The following CARS2 variants were observed in gnomAD, a reference collection of about 807,000 sequenced individuals.
CARS2 encodes the protein probable cysteine--tRNA ligase, mitochondrial.
In CARS2, 52 loss-of-function variants were observed where a neutral mutation model predicts 68.8. That is an observed-to-expected ratio of 0.76 (90% CI 0.61 to 0.95). The LOEUF is 0.95. CARS2 is among the 40% of genes least tolerant of loss of function. CARS2 has a pLI of 0.00. For synonymous variants in CARS2, 314 were observed against 303.6 expected, an observed-to-expected ratio of 1.03 and a Z score of -0.36; for missense variants, 780 against 754.2, an observed-to-expected ratio of 1.03 and a Z score of -0.40.
chr13:110,674,114 T>G (rs2062876982), intron 7 of CARS2, among the ~76,000 whole-genome samples: 1 of 152,114 alleles, frequency 6.6e-6, no homozygotes, highest in Non-Finnish European at 1.5e-5. Context: ...AGAATCAATA[T>G]CGTGAAAATG....
chr13:110,647,303 C>G (rs1321981596), intron 10 of CARS2, 64 bp from the exon 11 acceptor site: 1 of 1,564,916 alleles, frequency 6.4e-7, no homozygotes, highest in African/African-American at 1.4e-5. Flanking sequence ...CCTGGTCCAG[C>G]AGAATCAGTG....
chr13:110,645,777 G>T, intron 12 of CARS2, 190 bp downstream of exon 12: 2 of 667,866 alleles, frequency 3.0e-6, no homozygotes, highest in East Asian at 3.2e-5. Context: ...AGGCCCGGGA[G>T]GGTCAAGCCC....
intron 8 of CARS2, chr13:110,664,858 G>T: frequency 2.4e-6 from 1 of 418,752 alleles, no homozygotes; most frequent in Non-Finnish European, 3.2e-6. Flanking sequence ...CAAATGGGAA[G>T]CAGGCCCTCC....
chr13:110,711,666 C>CCTG (rs1333054239), intron 1 of CARS2, among the ~76,000 whole-genome samples: 1 of 152,238 alleles, frequency 6.6e-6, no homozygotes, highest in Non-Finnish European at 1.5e-5. Flanking sequence ...CCAAAGCTCT[C>CCTG]CTGCTGTGTA....
At chr13:110,709,780 A>G (rs1594444531), upstream of CARS2, among the ~76,000 whole-genome samples, 1 of 152,248 alleles carries the variant, frequency 6.6e-6, no homozygotes, top group South Asian at 2.1e-4. Context: ...GTCCCTCTAG[A>G]GAACCCTGAC....
At chr13:110,651,317 A>G in intron 9 of CARS2, 1 of 529,728 alleles carries the variant, frequency 1.9e-6, no homozygotes, top group Non-Finnish European at 3.3e-6. Context: ...TTGTGGAAAG[A>G]GCAAGAAGAG....
intron 2 of CARS2, among the ~76,000 whole-genome samples, chr13:110,703,425 G>A (rs2139937116): frequency 6.6e-6 from 1 of 152,348 alleles, no homozygotes; most frequent in Non-Finnish European, 1.5e-5. Context: ...GTGGTCAACA[G>A]GAGAGTCCCA....
At chr13:110,662,253 C>G (rs1331876767) in intron 9 of CARS2, among the ~76,000 whole-genome samples, 1 of 150,664 alleles carries the variant, frequency 6.6e-6, no homozygotes, top group Non-Finnish European at 1.5e-5. Context: ...GGACCTCTCT[C>G]TGCGTCATGC....
chr13:110,704,013 T>C (rs545535442), intron 2 of CARS2, among the ~76,000 whole-genome samples: 1 of 152,366 alleles, frequency 6.6e-6, no homozygotes, highest in Non-Finnish European at 1.5e-5. Flanking sequence ...CCTTCTACCA[T>C]GTGAGGACAC....
At chr13:110,695,380 G>C (rs1041226955) in intron 3 of CARS2, among the ~76,000 whole-genome samples, 2 of 152,126 alleles carry the variant, frequency 1.3e-5, no homozygotes, top group Non-Finnish European at 2.9e-5. Context: ...AAGTAATCTA[G>C]ATATGATTTA....
rs1594284213 is a variant in CARS2 at position 110,663,595 on chromosome 13, G to C, written c.920-77C>G. Reference sequence around the variant, plus strand: ...GCCTCAGGGACACATGGCTCCCCAGGAAACGAATGGGAACCTGCACATATC... The same window carrying C: ...GCCTCAGGGACACATGGCTCCCCAGCAAACGAATGGGAACCTGCACATATC... On this transcript the variant is annotated intron_variant, in intron 8 of 14. Coordinates refer to ENST00000257347, the MANE Select transcript of CARS2 (RefSeq NM_024537.4). 2.4e-5 allele frequency: 38 copies of C among 1,573,552 alleles called. No individual in the cohort carries two copies. In the East Asian group the frequency reaches 8.5e-4, roughly 35 times the overall value.
At chr13:110,679,569 GAGAGAGAA>G (rs1413209496) in intron 6 of CARS2, among the ~76,000 whole-genome samples, 45 of 98,400 alleles carry the variant, frequency 4.6e-4, no homozygotes, top group African/African-American at 1.3e-3. Context: ...AAGAAAGAAA[GAGAGAGAA>G]AGAAAGAAAG....
intron 3 of CARS2, chr13:110,688,950 GAAATATTTTGA>G (rs1348491165): frequency 3.2e-5 from 5 of 154,410 alleles, no homozygotes; most frequent in African/African-American, 1.2e-4. Flanking sequence ...AACTTCTAAA[GAAATATTTTGA>G]AAGTAATTTA....
chr13:110,671,999 C>A (rs1006361074), intron 7 of CARS2, among the ~76,000 whole-genome samples: 5 of 152,154 alleles, frequency 3.3e-5, no homozygotes, highest in Non-Finnish European at 5.9e-5. Flanking sequence ...GGGATCAATT[C>A]AACAAGAAGA....
At position 110,705,468 on chromosome 13, in the gene CARS2, T is replaced by G; in HGVS notation, c.275+53A>C. On this transcript the variant is annotated intron_variant, in intron 2 of 14. Transcript: ENST00000257347. This position sits in a 1 kb window ranked among gnomAD's most constrained non-coding sequence, Gnocchi z 4.0. The stretch of plus-strand genomic sequence containing the variant: ...AGATAAAAGAAATCAGCAAAAGGCT[T>G]TCAAAAATAAATGGTCCTTTGAAGT... 7.5e-7 allele frequency: 1 copy of G among 1,334,454 alleles called. No individual in the cohort carries two copies. The highest frequency in any genetic ancestry group is 1.0e-6 in the Non-Finnish European group (1 of 960,766). The allele number at this position is 1,334,454 out of a possible 1,614,324, so 82.7% of individuals were successfully genotyped here.
At chr13:110,711,035 C>G (rs539199648), upstream of CARS2, among the ~76,000 whole-genome samples, 4 of 152,052 alleles carry the variant, frequency 2.6e-5, no homozygotes, top group South Asian at 8.3e-4. Context: ...AAACACTATT[C>G]ATTCTAGAGC....
At chr13:110,682,508 C>G (rs2063185982) in intron 6 of CARS2, among the ~76,000 whole-genome samples, 1 of 152,202 alleles carries the variant, frequency 6.6e-6, no homozygotes, top group Admixed American at 6.5e-5. Context: ...GGGTCTGTCC[C>G]TGTTATTCTT....
intron 5 of CARS2, among the ~76,000 whole-genome samples, chr13:110,685,296 C>A (rs1302056131): frequency 6.6e-6 from 1 of 150,540 alleles, no homozygotes; most frequent in Non-Finnish European, 1.5e-5. Flanking sequence ...GGCGACAGAG[C>A]AAGACTCTGT....
chr13:110,652,566 C>T (rs1202377010), intron 9 of CARS2, among the ~76,000 whole-genome samples: 2 of 152,222 alleles, frequency 1.3e-5, no homozygotes, highest in Non-Finnish European at 1.5e-5. Context: ...CACTGCTCCA[C>T]CTGCCTCCAG....
Sources: allele counts gnomAD v4.1 joint callset (sites outside exome capture counted in the v4.1 genomes callset), GRCh38; gene constraint gnomAD v4.1.1; non-coding constraint Gnocchi (gnomAD v3.1); transcripts MANE v1.5; gene names NCBI Gene and HGNC (gene_info 2026-07-23, HGNC 2026-07-21).